SH3GL3: variants seen among roughly 807,000 people sequenced by gnomAD.
SH3GL3 encodes the protein SH3 domain containing GRB2 like 3, endophilin A3.
SH3GL3 carries 33 observed loss-of-function variants against 47.7 expected under a neutral mutation model. That is an observed-to-expected ratio of 0.69 (90% CI 0.52 to 0.92). The LOEUF (loss-of-function observed/expected upper bound fraction) is 0.92. Among genes scored for constraint, SH3GL3 ranks in the 40% least tolerant of loss-of-function variants. The probability of loss-of-function intolerance (pLI) is 0.00; values close to 1 mark genes in which losing one functional copy is unlikely to be tolerated. For missense variants in SH3GL3, 363 were observed against 417.8 expected (o/e 0.87, Z 1.14); for synonymous variants, 155 against 148.8 (o/e 1.04, Z -0.30).
At chr15:83,630,344 A>G in the SH3GL3 span, among the ~76,000 whole-genome samples, 1 of 152,230 alleles carries the variant, frequency 6.6e-6, no homozygotes, top group Non-Finnish European at 1.5e-5. Flanking sequence ...GGACTTCATT[A>G]AAATTAAACA....
the SH3GL3 span, among the ~76,000 whole-genome samples, chr15:83,630,692 A>G: frequency 6.6e-6 from 1 of 152,162 alleles, no homozygotes; most frequent in East Asian, 1.9e-4. Context: ...GAACAGCATG[A>G]GGGTAACTGC....
intron 1 of SH3GL3, among the ~76,000 whole-genome samples, chr15:83,474,544 G>A (rs935515296): frequency 1.6e-4 from 24 of 151,748 alleles, no homozygotes; most frequent in Admixed American, 2.0e-4. Flanking sequence ...TTAGGTAAGC[G>A]TATATTGCTT....
intron 1 of SH3GL3, among the ~76,000 whole-genome samples, chr15:83,463,346 T>C (rs565854360): frequency 6.6e-6 from 1 of 151,892 alleles, no homozygotes; most frequent in South Asian, 2.1e-4. Flanking sequence ...GGCTTTGAGC[T>C]TCTGGAAAAA....
At chr15:83,476,201 A>G (rs1241792945) in intron 1 of SH3GL3, among the ~76,000 whole-genome samples, 1 of 152,210 alleles carries the variant, frequency 6.6e-6, no homozygotes, top group African/African-American at 2.4e-5. Context: ...TGGCAAGGTC[A>G]AGTAAAATTT....
At chr15:83,557,955 G>C (rs781610793) in intron 1 of SH3GL3, among the ~76,000 whole-genome samples, 2 of 152,064 alleles carry the variant, frequency 1.3e-5, no homozygotes, top group African/African-American at 4.8e-5. Flanking sequence ...CTCACACTTC[G>C]AATTTAAGTA....
At chr15:83,560,167 C>T (rs868513649) in intron 2 of SH3GL3, among the ~76,000 whole-genome samples, 18 of 152,192 alleles carry the variant, frequency 1.2e-4, no homozygotes, top group African/African-American at 3.6e-4. Context: ...CATCCACCCT[C>T]AGGTGTAACA....
chr15:83,517,406 A>G (rs898635686), intron 1 of SH3GL3, among the ~76,000 whole-genome samples: 6 of 151,744 alleles, frequency 4.0e-5, no homozygotes, highest in Non-Finnish European at 7.4e-5. Flanking sequence ...GGATTTCACC[A>G]TGTTGGCCAG....
chr15:83,472,964 G>A (rs2040899185), intron 1 of SH3GL3, among the ~76,000 whole-genome samples: 1 of 152,146 alleles, frequency 6.6e-6, no homozygotes, highest in Non-Finnish European at 1.5e-5. Flanking sequence ...GGGAGCGAGA[G>A]TTCCGGCCAT....
chr15:83,611,803 T>G (rs2060674891), intron 8 of SH3GL3, among the ~76,000 whole-genome samples: 1 of 152,136 alleles, frequency 6.6e-6, no homozygotes, highest in African/African-American at 2.4e-5. Context: ...ATCTAACAGT[T>G]GGAAAGCCTC....
intron 3 of SH3GL3, among the ~76,000 whole-genome samples, chr15:83,566,888 G>T (rs563794550): frequency 2.0e-5 from 3 of 152,160 alleles, no homozygotes; most frequent in Non-Finnish European, 4.4e-5. Flanking sequence ...GCAGAATTAG[G>T]CTCAACCCAG....
At chr15:83,576,826 C>G in intron 6 of SH3GL3, 85 bp downstream of exon 6, 1 of 972,226 alleles carries the variant, frequency 1.0e-6, no homozygotes, top group Admixed American at 2.6e-5. Context: ...TTGAAAAACT[C>G]TAAAGCAGGA....
At chr15:83,456,825 G>T (rs1328325834) in intron 1 of SH3GL3, among the ~76,000 whole-genome samples, 1 of 152,040 alleles carries the variant, frequency 6.6e-6, no homozygotes, top group Non-Finnish European at 1.5e-5. Context: ...GGCCATCTTG[G>T]CTCCTCCCCT....
intron 6 of SH3GL3, among the ~76,000 whole-genome samples, chr15:83,580,865 C>G (rs1474447066): frequency 2.0e-5 from 3 of 152,172 alleles, no homozygotes; most frequent in Non-Finnish European, 4.4e-5. Context: ...TAGGGAGCAC[C>G]CCCAACCTCA....
At chr15:83,571,231 C>T (rs918125426) in intron 4 of SH3GL3, among the ~76,000 whole-genome samples, 1 of 152,170 alleles carries the variant, frequency 6.6e-6, no homozygotes, top group Non-Finnish European at 1.5e-5. Context: ...GGTGGCGGCC[C>T]ATGTTCAGAG....
At chr15:83,521,538 G>T (rs1450136182) in intron 1 of SH3GL3, among the ~76,000 whole-genome samples, 4 of 152,100 alleles carry the variant, frequency 2.6e-5, no homozygotes, top group South Asian at 4.1e-4. Flanking sequence ...TGACCGTCAA[G>T]GCTAAAAGCA....
chr15:83,526,538 A>G (rs1208884503), intron 1 of SH3GL3, among the ~76,000 whole-genome samples: 1 of 152,196 alleles, frequency 6.6e-6, no homozygotes, highest in Non-Finnish European at 1.5e-5. Context: ...GCTGGAGGCC[A>G]TTATCGTTAA....
intron 6 of SH3GL3, among the ~76,000 whole-genome samples, chr15:83,578,082 C>T (rs1237355066): frequency 6.6e-6 from 1 of 152,164 alleles, no homozygotes; most frequent in Non-Finnish European, 1.5e-5. Context: ...AAGTGCCAAT[C>T]TTCTATTGTA....
intron 3 of SH3GL3, among the ~76,000 whole-genome samples, chr15:83,567,872 G>A (rs528954412): frequency 6.2e-4 from 94 of 152,208 alleles, no homozygotes; most frequent in Non-Finnish European, 1.1e-3. Flanking sequence ...GCAACTGCAA[G>A]CTTTCCAAAG....
At chr15:83,587,272 A>G (rs1034015451) in intron 7 of SH3GL3, among the ~76,000 whole-genome samples, 186 bp downstream of exon 7, 1 of 152,208 alleles carries the variant, frequency 6.6e-6, no homozygotes, top group African/African-American at 2.4e-5. Context: ...GGCTTTGGCC[A>G]GTAGGATAGA....
Sources: gnomAD v4.1 joint callset for allele counts (sites outside exome capture counted in the v4.1 genomes callset) on GRCh38, gnomAD v4.1.1 for gene constraint, MANE v1.5 for transcripts, NCBI Gene and HGNC (gene_info 2026-07-23, HGNC 2026-07-21) for gene names.